Variants in LRRC4C observed in about 807,000 individuals in gnomAD.
LRRC4C encodes leucine rich repeat containing 4C.
Under a neutral mutation model 33.6 loss-of-function variants are expected in LRRC4C, and 5 were observed. The ratio of observed to expected loss-of-function variants is 0.15; its 90% confidence interval spans 0.08 to 0.31. LRRC4C has a LOEUF of 0.31. Among genes scored for constraint, LRRC4C ranks in the 10% least tolerant of loss-of-function variants. The pLI, the probability that LRRC4C is intolerant of heterozygous loss-of-function variation, is 1.00. For missense variants in LRRC4C, 560 were observed against 796.7 expected, an observed-to-expected ratio of 0.70 and a Z score of 3.58; for synonymous variants, 329 against 302.0, an observed-to-expected ratio of 1.09 and a Z score of -0.93.
intron 3 of LRRC4C, among the ~76,000 whole-genome samples, chr11:40,579,775 A>G (rs995014804): frequency 6.6e-6 from 1 of 152,106 alleles, no homozygotes; most frequent in African/African-American, 2.4e-5. Flanking sequence ...AGTGTATAGA[A>G]CCCTAACTGC....
At chr11:40,258,341 CCAATTCATA>C (rs1390197535) in intron 4 of LRRC4C, among the ~76,000 whole-genome samples, 1 of 152,142 alleles carries the variant, frequency 6.6e-6, no homozygotes, top group Non-Finnish European at 1.5e-5. Context: ...TCCAATTCCT[CCAATTCATA>C]CTGGTTTTTC....
At chr11:41,424,937 G>A (rs1443380903) in intron 1 of LRRC4C, among the ~76,000 whole-genome samples, 2 of 151,988 alleles carry the variant, frequency 1.3e-5, no homozygotes, top group Non-Finnish European at 2.9e-5. Context: ...AATGATTAAT[G>A]TAGCCAAATA....
intron 2 of LRRC4C, among the ~76,000 whole-genome samples, chr11:40,836,300 A>G (rs571397903): frequency 6.6e-6 from 1 of 152,238 alleles, no homozygotes; most frequent in African/African-American, 2.4e-5. Context: ...TGAAGAGCAA[A>G]ACTTTGTGAG....
At chr11:40,359,302 GGAACA>G (rs1947838263) in intron 3 of LRRC4C, among the ~76,000 whole-genome samples, 1 of 152,162 alleles carries the variant, frequency 6.6e-6, no homozygotes, top group African/African-American at 2.4e-5. Flanking sequence ...TCTGCTCTGG[GGAACA>G]GATCCAGGTG....
intron 1 of LRRC4C, among the ~76,000 whole-genome samples, chr11:40,984,359 AGAAAAAAG>A (rs1328826810): frequency 2.3e-4 from 23 of 100,704 alleles, no homozygotes; most frequent in Admixed American, 2.0e-3. Context: ...AGAGAAAGAA[AGAAAAAAG>A]AAAGAAAGAA....
At chr11:40,983,949 A>G (rs1852726482) in intron 1 of LRRC4C, among the ~76,000 whole-genome samples, 1 of 152,142 alleles carries the variant, frequency 6.6e-6, no homozygotes, top group Non-Finnish European at 1.5e-5. Context: ...GGAATTTTAA[A>G]TTTAATTTTG....
At chr11:41,178,523 T>G (rs1286275319) in intron 1 of LRRC4C, among the ~76,000 whole-genome samples, 1 of 151,904 alleles carries the variant, frequency 6.6e-6, no homozygotes, top group Non-Finnish European at 1.5e-5. Context: ...CTGGCAAATT[T>G]TTGTACTTTT....
At chr11:40,163,018 T>C (rs1329153196) in intron 5 of LRRC4C, among the ~76,000 whole-genome samples, 1 of 152,182 alleles carries the variant, frequency 6.6e-6, no homozygotes, top group Non-Finnish European at 1.5e-5. Context: ...TTATCTTCTA[T>C]TATAGTTTTG....
intron 1 of LRRC4C, among the ~76,000 whole-genome samples, chr11:41,251,328 G>T (rs558486824): frequency 3.3e-5 from 5 of 152,130 alleles, no homozygotes; most frequent in East Asian, 1.9e-4. Context: ...CTAATTCTTC[G>T]CTGTAGAGCT....
chr11:40,894,522 G>T (rs1320897085), intron 2 of LRRC4C, among the ~76,000 whole-genome samples: 2 of 152,048 alleles, frequency 1.3e-5, no homozygotes, highest in Non-Finnish European at 2.9e-5. Context: ...AAAATATTAT[G>T]AAAGAATTTG....
intron 1 of LRRC4C, among the ~76,000 whole-genome samples, chr11:41,140,981 T>C (rs989335711): frequency 6.6e-6 from 1 of 152,162 alleles, no homozygotes; most frequent in Non-Finnish European, 1.5e-5. Flanking sequence ...ATTTTTACCT[T>C]TTATACAACG....
chr11:40,203,499 C>T (rs370581293), intron 5 of LRRC4C, among the ~76,000 whole-genome samples: 3 of 152,166 alleles, frequency 2.0e-5, no homozygotes, highest in African/African-American at 7.2e-5. Context: ...CTTCATAATG[C>T]CTGGGTTTCC....
intron 1 of LRRC4C, among the ~76,000 whole-genome samples, chr11:41,294,282 A>T (rs559444204): frequency 2.0e-5 from 3 of 152,268 alleles, no homozygotes; most frequent in African/African-American, 7.2e-5. Context: ...GAAACAAAGA[A>T]CTCTGAAAAA....
At chr11:40,410,272 T>A (rs1023000398) in intron 3 of LRRC4C, among the ~76,000 whole-genome samples, 1 of 152,120 alleles carries the variant, frequency 6.6e-6, no homozygotes, top group African/African-American at 2.4e-5. Context: ...TTATAATATA[T>A]CTTACTTAAC....
Position 40,163,278 on chromosome 11 carries a change from C to T in LRRC4C, c.-95-22425G>A, listed in dbSNP as rs375932170. On this transcript the variant is annotated intron_variant, in intron 5 of 6. Transcript: ENST00000528697. ...CAGCCCAGAGAGAAAGATAGTTTCA[C>T]ATTATCTTGAAGGTTTGATCTTAGT... Among the ~76,000 whole-genome samples the T allele has an allele frequency of 3.9e-4, 59 of 152,298 alleles. 4 individuals are homozygous for T. In the South Asian group the frequency reaches 0.012, roughly 31 times the overall value.
chr11:41,175,050 G>A (rs1945139348), intron 1 of LRRC4C, among the ~76,000 whole-genome samples: 1 of 151,932 alleles, frequency 6.6e-6, no homozygotes, highest in African/African-American at 2.4e-5. Flanking sequence ...TGGTTCTGCT[G>A]ATCAAATACA....
chr11:40,483,730 G>T (rs1021140266), intron 3 of LRRC4C, among the ~76,000 whole-genome samples: 14 of 151,384 alleles, frequency 9.2e-5, no homozygotes, highest in African/African-American at 3.4e-4. Context: ...TTGGTAAAAT[G>T]ATTTTTAAAT....
intron 2 of LRRC4C, among the ~76,000 whole-genome samples, chr11:40,779,219 A>T (rs1252985102): frequency 6.6e-6 from 1 of 152,180 alleles, no homozygotes. Context: ...AGAGACTCAA[A>T]GATGATTCAA....
At chr11:40,716,692 C>T (rs182056055) in intron 2 of LRRC4C, among the ~76,000 whole-genome samples, 1 of 152,098 alleles carries the variant, frequency 6.6e-6, no homozygotes, top group Non-Finnish European at 1.5e-5. Context: ...TTTATAACTG[C>T]CTTAAAACCA....
Sources: allele counts gnomAD v4.1 joint callset (sites outside exome capture counted in the v4.1 genomes callset), GRCh38; gene constraint gnomAD v4.1.1; transcripts MANE v1.5; gene names NCBI Gene and HGNC (gene_info 2026-07-23, HGNC 2026-07-21).